LIMS1: variants seen among roughly 807,000 people sequenced by gnomAD.
The protein encoded by LIMS1 is LIM and senescent cell antigen-like-containing domain protein 1.
LIMS1 carries 18 observed loss-of-function variants against 44.1 expected under a neutral mutation model. The observed-to-expected ratio is 0.41, with a 90% CI of 0.28 to 0.61. The LOEUF (loss-of-function observed/expected upper bound fraction) is 0.61. LIMS1 is among the 20% of genes least tolerant of loss of function. The probability of loss-of-function intolerance (pLI) is 0.32; values close to 1 mark genes in which losing one functional copy is unlikely to be tolerated. For synonymous variants in LIMS1, 93 were observed against 149.1 expected (o/e 0.62, Z 2.74); for missense variants, 201 against 422.0 (o/e 0.48, Z 4.59).
chr2:108,589,336 T>C (rs1371075397), intron 1 of LIMS1, among the ~76,000 whole-genome samples: 1 of 152,202 alleles, frequency 6.6e-6, no homozygotes, highest in Admixed American at 6.5e-5. Context: ...CACTTTTTCG[T>C]GGTAACAACA....
intron 1 of LIMS1, among the ~76,000 whole-genome samples, chr2:108,552,407 TAACTA>T (rs1429791381): frequency 6.9e-6 from 1 of 145,144 alleles, no homozygotes; most frequent in Non-Finnish European, 1.5e-5. Flanking sequence ...TATATATACT[TAACTA>T]TAATTGTATA....
At chr2:108,635,386 C>T (rs2148903495) in intron 1 of LIMS1, among the ~76,000 whole-genome samples, 1 of 147,088 alleles carries the variant, frequency 6.8e-6, no homozygotes, top group East Asian at 2.0e-4. Flanking sequence ...TGAGATTGCA[C>T]CATCACACTC....
At chr2:108,588,356 C>G in intron 1 of LIMS1, 1 of 985,152 alleles carries the variant, frequency 1.0e-6, no homozygotes, top group Non-Finnish European at 1.2e-6. Flanking sequence ...AAGTTCTGTA[C>G]AGTTTAGGAA....
intron 1 of LIMS1, among the ~76,000 whole-genome samples, chr2:108,607,638 T>A (rs1470682406): frequency 6.6e-6 from 1 of 152,236 alleles, no homozygotes; most frequent in African/African-American, 2.4e-5. Flanking sequence ...CTGTTAATTG[T>A]GCCTGAAACC....
At chr2:108,579,345 C>T (rs962671878) in intron 1 of LIMS1, among the ~76,000 whole-genome samples, 3 of 152,306 alleles carry the variant, frequency 2.0e-5, no homozygotes, top group Admixed American at 1.3e-4. Context: ...TACTTGTACT[C>T]AGTGTACCTT....
chr2:108,686,871 G>T (rs1200011244), exon 10 of LIMS1: 1 of 152,062 alleles, frequency 6.6e-6, no homozygotes, highest in African/African-American at 2.4e-5. Flanking sequence ...GAAAACTTAG[G>T]CCAGTAAGCA....
intron 1 of LIMS1, among the ~76,000 whole-genome samples, chr2:108,619,424 C>T (rs1688114194): frequency 6.6e-6 from 1 of 151,788 alleles, no homozygotes; most frequent in South Asian, 2.1e-4. Context: ...TGGCACACGC[C>T]TGTAATCCCA....
intron 1 of LIMS1, among the ~76,000 whole-genome samples, chr2:108,645,643 A>C (rs933632688): frequency 6.6e-6 from 1 of 152,234 alleles, no homozygotes; most frequent in Non-Finnish European, 1.5e-5. Context: ...ACACATAACA[A>C]TATTAACCTT....
At chr2:108,631,361 G>A (rs1161752047) in intron 1 of LIMS1, among the ~76,000 whole-genome samples, 1 of 152,160 alleles carries the variant, frequency 6.6e-6, no homozygotes, top group Non-Finnish European at 1.5e-5. Flanking sequence ...CTGCAAGTCA[G>A]TTATTTTTAG....
At chr2:108,538,195 C>T (rs1684204237) in intron 1 of LIMS1, among the ~76,000 whole-genome samples, 1 of 152,220 alleles carries the variant, frequency 6.6e-6, no homozygotes, top group Admixed American at 6.5e-5. Flanking sequence ...AGGAGCTGCA[C>T]TACCTGTTGC....
chr2:108,552,296 A>G (rs192564843), intron 1 of LIMS1, among the ~76,000 whole-genome samples: 1 of 136,308 alleles, frequency 7.3e-6, no homozygotes, highest in Admixed American at 7.4e-5. Context: ...TATATATACT[A>G]TACGTGTAGT....
chr2:108,612,351 T>A (rs1687703969), intron 1 of LIMS1, among the ~76,000 whole-genome samples: 1 of 152,088 alleles, frequency 6.6e-6, no homozygotes, highest in South Asian at 2.1e-4. Flanking sequence ...CAGTGCCTCT[T>A]CATACACCCA....
intron 1 of LIMS1, among the ~76,000 whole-genome samples, chr2:108,586,936 A>G (rs1220100813): frequency 6.6e-6 from 1 of 152,222 alleles, no homozygotes; most frequent in Non-Finnish European, 1.5e-5. Context: ...CCACCTCCCA[A>G]AATAAAGTAA....
chr2:108,607,866 T>C (rs1270013701), intron 1 of LIMS1, among the ~76,000 whole-genome samples: 1 of 152,208 alleles, frequency 6.6e-6, no homozygotes, highest in African/African-American at 2.4e-5. Context: ...TCAGAGTTAA[T>C]GCCCCTTTTG....
rs753691810 is a variant in LIMS1 at position 108,569,764 on chromosome 2, C to CCTTTTTTTTTTTTTTTTTTTTTTT, written c.32+35170_32+35171insCTTTTTTTTTTTTTTTTTTTTTTT. On this transcript the variant is annotated intron_variant, in intron 1 of 9. Coordinates refer to ENST00000544547, the Ensembl canonical transcript of LIMS1. ...TACAAACACTCACCGCCATATCTGGCTTTTTTTTTTTTTTTTTTTAGTGAT... is the reference window on the plus strand; with the variant it reads ...TACAAACACTCACCGCCATATCTGGCCTTTTTTTTTTTTTTTTTTTTTTTTTTTTTTTTTTTTTTTTTTAGTGAT... Among the ~76,000 whole-genome samples the CCTTTTTTTTTTTTTTTTTTTTTTT allele has an allele frequency of 1.2e-4, 14 of 113,128 alleles. 2 individuals carry two copies. The highest frequency in any genetic ancestry group is 3.4e-4 in the African/African-American group (10 of 29,154). The allele number at this position is 113,128 out of a possible 152,430, so 74.2% of individuals were successfully genotyped here.
At chr2:108,621,394 C>G in intron 1 of LIMS1, 1 of 1,550,118 alleles carries the variant, frequency 6.5e-7, no homozygotes, top group Non-Finnish European at 8.7e-7. Flanking sequence ...ACATTCAGGT[C>G]TCTACAGGAG....
At chr2:108,676,528 A>C in intron 6 of LIMS1, 78 bp from the exon 7 acceptor site, 1 of 1,499,122 alleles carries the variant, frequency 6.7e-7, no homozygotes, top group Non-Finnish European at 9.0e-7. Flanking sequence ...TTCTCTGAAA[A>C]TAGGTTAACT....
At chr2:108,627,995 C>A (rs141551024) in intron 1 of LIMS1, among the ~76,000 whole-genome samples, 4 of 152,292 alleles carry the variant, frequency 2.6e-5, no homozygotes, top group Non-Finnish European at 5.9e-5. Context: ...AGTCAGAAAC[C>A]AGCGTGTCAG....
intron 1 of LIMS1, among the ~76,000 whole-genome samples, chr2:108,648,196 G>T (rs1332597084): frequency 3.3e-5 from 5 of 152,162 alleles, no homozygotes; most frequent in Non-Finnish European, 7.4e-5. Flanking sequence ...GCCAAATCAT[G>T]AGTAAACTCC....
Sources: gnomAD v4.1 joint callset for allele counts (sites outside exome capture counted in the v4.1 genomes callset) on GRCh38, gnomAD v4.1.1 for gene constraint, MANE v1.5 for transcripts, NCBI Gene and HGNC (gene_info 2026-07-23, HGNC 2026-07-21) for gene names.